AGAP1: variants seen among roughly 807,000 people sequenced by gnomAD.
AGAP1 encodes ArfGAP with GTPase domain, ankyrin repeat and PH domain 1.
AGAP1 carries 29 observed loss-of-function variants against 105.3 expected under a neutral mutation model. The ratio of observed to expected loss-of-function variants is 0.28; its 90% CI spans 0.21 to 0.38. The LOEUF (loss-of-function observed/expected upper bound fraction) is 0.38, where lower values mean the gene tolerates loss of function less well. Among genes scored for constraint, AGAP1 ranks in the 10% least tolerant of loss-of-function variants. AGAP1 has a pLI of 1.00. For synonymous variants in AGAP1, 509 were observed against 485.9 expected, an observed-to-expected ratio of 1.05 and a Z score of -0.63; for missense variants, 998 against 1,165.1, an observed-to-expected ratio of 0.86 and a Z score of 2.09.
rs2059864848 is a variant in AGAP1, at chr2:236,120,139, G to A, written c.2115-53G>A. 1.9e-6 allele frequency: 3 copies of A among 1,566,038 alleles called. No homozygotes were observed. In the African/African-American group the frequency reaches 4.0e-5, roughly 21 times the overall value. ...CGACCACACTGGGCAGGGGCTGGCA[G>A]CCTGTGTTCTCGGGCCTGATCGTGA... On this transcript the variant is annotated intron_variant, in intron 16 of 17. Transcript: ENST00000304032. This position sits in a 1 kb window ranked among gnomAD's most constrained non-coding sequence, Gnocchi z 6.0.
chr2:235,528,229 G>A (rs943217266), intron 1 of AGAP1, among the ~76,000 whole-genome samples: 3 of 150,680 alleles, frequency 2.0e-5, no homozygotes, highest in African/African-American at 7.3e-5. Flanking sequence ...TCAGGACTTT[G>A]CATCTGAGGG....
intron 6 of AGAP1, chr2:235,776,972 C>T (rs774600863): frequency 2.1e-6 from 1 of 471,194 alleles, no homozygotes; most frequent in South Asian, 1.5e-5. Flanking sequence ...CTTCCCTTTG[C>T]TGAGTACATG....
chr2:235,610,594 C>G lies in AGAP1; in HGVS notation c.164-98585C>G, dbSNP rs538641581. Among the ~76,000 whole-genome samples the G allele has an allele frequency of 1.0e-3, 158 of 152,256 alleles. 1 individual carries two copies. The highest frequency in any genetic ancestry group is 3.7e-3 in the African/African-American group (154 of 41,550). ...CCAACCCTAATTACCTTCCAAAGAT[C>G]CCACCTCAGATACCATCGCATTGGG... On this transcript the variant is annotated intron_variant, in intron 1 of 17. Transcript: ENST00000304032. This position sits in a 1 kb window ranked among gnomAD's most constrained non-coding sequence, Gnocchi z 4.9.
intron 1 of AGAP1, among the ~76,000 whole-genome samples, chr2:235,686,665 A>ATATATTTTT (rs1369766503): frequency 1.3e-5 from 1 of 77,492 alleles, no homozygotes; most frequent in African/African-American, 6.5e-5. Context: ...ATATATATAT[A>ATATATTTTT]TTTTTTTTTT....
intron 11 of AGAP1, among the ~76,000 whole-genome samples, chr2:235,928,856 G>C (rs1284584851): frequency 6.6e-6 from 1 of 152,202 alleles, no homozygotes; most frequent in Non-Finnish European, 1.5e-5. Context: ...GCCAGCTCTG[G>C]GCTGCTCCTC....
At chr2:235,762,915 G>GTTT (rs1954574842) in intron 6 of AGAP1, among the ~76,000 whole-genome samples, 1 of 152,126 alleles carries the variant, frequency 6.6e-6, no homozygotes, top group Non-Finnish European at 1.5e-5. Flanking sequence ...CCTTCAGTGA[G>GTTT]TACGTTGGAT....
chr2:235,710,206 T>A (rs958171463), intron 2 of AGAP1, among the ~76,000 whole-genome samples: 1 of 152,130 alleles, frequency 6.6e-6, no homozygotes, highest in East Asian at 1.9e-4. Context: ...CCAACCTCAT[T>A]GCATGCTTGG....
chr2:235,711,700 C>T (rs116332463), intron 2 of AGAP1, among the ~76,000 whole-genome samples: 1,686 of 152,288 alleles, frequency 0.011, 38 homozygotes, highest in African/African-American at 0.039. Flanking sequence ...CATCGGCACC[C>T]CCAGCAGATC....
At position 236,125,376 on chromosome 2, in the gene AGAP1, C is replaced by A. The variant is rs1282768504; in HGVS notation, c.*1254C>A. The A allele has an allele frequency of 2.6e-5, 4 of 152,466 alleles. No individual in the cohort carries two copies. The highest frequency in any genetic ancestry group is 9.7e-5 in the African/African-American group (4 of 41,390). 9.4% of individuals were successfully genotyped at this position (152,466 alleles called of 1,614,324 possible). A position where few individuals can be genotyped will look rare whatever the true frequency, so the allele number is the denominator to read the frequency against. Reference sequence around the variant, plus strand: ...CAGATCATTGTACATGGAAAATATTCCCAGCAGTAAACACTTCCATTAATG... The same window carrying A: ...CAGATCATTGTACATGGAAAATATTACCAGCAGTAAACACTTCCATTAATG... On this transcript the variant is annotated 3_prime_UTR_variant, in exon 18 of 18. Coordinates refer to ENST00000304032, the MANE Select transcript of AGAP1 (RefSeq NM_001037131.3). The surrounding 1 kb of genome is among the most constrained non-coding windows in gnomAD (Gnocchi z 5.2).
intron 16 of AGAP1, among the ~76,000 whole-genome samples, chr2:236,071,251 C>A (rs1317469125): frequency 1.3e-5 from 2 of 152,200 alleles, no homozygotes; most frequent in Non-Finnish European, 2.9e-5. Flanking sequence ...AAGTGTCCAA[C>A]AGATTTTATT....
rs993774141 is a variant in AGAP1 at position 235,960,172 on chromosome 2, G to C, written c.1484-8290G>C. Among the ~76,000 whole-genome samples the C allele has an allele frequency of 6.6e-6, 1 of 152,188 alleles. No homozygotes were observed. Among genetic ancestry groups the C allele is most frequent in the African/African-American group, 2.4e-5 (1 of 41,450 alleles). On this transcript the variant is annotated intron_variant, in intron 12 of 17. Transcript: ENST00000304032. The surrounding 1 kb of genome is among the most constrained non-coding windows in gnomAD (Gnocchi z 4.9). Reference sequence around the variant, plus strand: ...CCTCGGCCCTGTAAGCAGCAGATCAGAGCGTGGGCTGGTGCTGCTTCCAGG... The same window carrying C: ...CCTCGGCCCTGTAAGCAGCAGATCACAGCGTGGGCTGGTGCTGCTTCCAGG...
intron 1 of AGAP1, among the ~76,000 whole-genome samples, chr2:235,508,317 C>T (rs899183016): frequency 1.5e-4 from 23 of 152,142 alleles, no homozygotes; most frequent in African/African-American, 5.3e-4. Context: ...CAAGTAATGC[C>T]ACCTACAGTT....
rs77963805 is a variant in AGAP1, at chr2:235,992,665, G to A, written c.1645+24042G>A. Reference sequence around the variant, plus strand: ...TACTCATCAGAGTATGCATTAAGTAGCATTGAACCACATTTTTAAGGTGAC... The same window carrying A: ...TACTCATCAGAGTATGCATTAAGTAACATTGAACCACATTTTTAAGGTGAC... On this transcript the variant is annotated intron_variant, in intron 13 of 17. Transcript: ENST00000304032. The surrounding 1 kb of genome is among the most constrained non-coding windows in gnomAD (Gnocchi z 4.8). 9.4e-3 allele frequency among the ~76,000 whole-genome samples: 1,426 copies of A among 152,314 alleles called. 30 individuals are homozygous for A. The highest frequency in any genetic ancestry group is 0.033 in the African/African-American group (1,362 of 41,556).
intron 11 of AGAP1, among the ~76,000 whole-genome samples, chr2:235,923,992 G>T (rs918880450): frequency 1.3e-5 from 2 of 152,134 alleles, no homozygotes; most frequent in African/African-American, 2.4e-5. Flanking sequence ...GGAAACCCCC[G>T]TGTTTAATAA....
chr2:235,959,299 C>T lies in AGAP1; in HGVS notation c.1484-9163C>T, dbSNP rs889253417. 5.3e-5 allele frequency among the ~76,000 whole-genome samples: 8 copies of T among 152,220 alleles called. No individual in the cohort carries two copies. Among genetic ancestry groups the T allele is most frequent in the African/African-American group, 1.9e-4 (8 of 41,546 alleles). Reference sequence around the variant, plus strand: ...TTTACAGTGTCTCAGGCGGGGCTTTCGGGGCCTCTTCAATTTGAGGAATAC... The same window carrying T: ...TTTACAGTGTCTCAGGCGGGGCTTTTGGGGCCTCTTCAATTTGAGGAATAC... On this transcript the variant is annotated intron_variant, in intron 12 of 17. Coordinates refer to ENST00000304032, the MANE Select transcript of AGAP1 (RefSeq NM_001037131.3). The surrounding 1 kb of genome is among the most constrained non-coding windows in gnomAD (Gnocchi z 7.3).
intron 1 of AGAP1, among the ~76,000 whole-genome samples, chr2:235,583,512 G>A (rs1315524205): frequency 1.3e-5 from 2 of 151,300 alleles, no homozygotes; most frequent in Non-Finnish European, 2.9e-5. Context: ...TCAGCCTCTC[G>A]TGTAACTGGG....
At chr2:235,885,213 T>C (rs1482728445) in intron 10 of AGAP1, among the ~76,000 whole-genome samples, 1 of 152,220 alleles carries the variant, frequency 6.6e-6, no homozygotes, top group African/African-American at 2.4e-5. Context: ...ATGGTCACTG[T>C]GTATACACTG....
intron 1 of AGAP1, chr2:235,670,966 C>T (rs896715856): frequency 2.3e-6 from 3 of 1,318,754 alleles, no homozygotes; most frequent in Non-Finnish European, 2.9e-6. Flanking sequence ...GGAGCGGAGC[C>T]TCGCGGCCAC....
chr2:235,872,533 C>G lies in AGAP1; in HGVS notation c.1051-10812C>G, dbSNP rs1245357023. 2.6e-5 allele frequency among the ~76,000 whole-genome samples: 4 copies of G among 152,208 alleles called. No individual in the cohort carries two copies. Among genetic ancestry groups the G allele is most frequent in the Non-Finnish European group, 5.9e-5 (4 of 68,042 alleles). On this transcript the variant is annotated intron_variant, in intron 9 of 17. Coordinates refer to ENST00000304032, the MANE Select transcript of AGAP1 (RefSeq NM_001037131.3). The surrounding 1 kb of genome is among the most constrained non-coding windows in gnomAD (Gnocchi z 4.5). ...TGACAGGAACTCTCTTCCTGAGCAT[C>G]TCAGGCAGAGCCTTCCGGCCTCTGT...
Sources: allele counts gnomAD v4.1 joint callset (sites outside exome capture counted in the v4.1 genomes callset), GRCh38; gene constraint gnomAD v4.1.1; non-coding constraint Gnocchi (gnomAD v3.1); transcripts MANE v1.5; gene names NCBI Gene and HGNC (gene_info 2026-07-23, HGNC 2026-07-21).